The following B4GALNT2 variants were observed in gnomAD, a reference collection of about 807,000 sequenced individuals.
B4GALNT2 encodes the protein beta-1,4-N-acetyl-galactosaminyltransferase 2 (SID blood group), also known as N-acetylneuraminylgalactosylglucosyl-glucoside beta-1,4-N- acetylgalactosaminyltransferase 2.
Under a neutral mutation model 51.1 loss-of-function variants are expected in B4GALNT2, and 42 were observed. That is an observed-to-expected ratio of 0.82 (90% CI 0.64 to 1.06). B4GALNT2 has a LOEUF of 1.06. B4GALNT2 is among the 50% of genes least tolerant of loss of function. B4GALNT2 has a pLI of 0.00. For synonymous variants in B4GALNT2, 253 were observed against 251.7 expected (o/e 1.01, Z -0.05); for missense variants, 602 against 633.6 (o/e 0.95, Z 0.54).
chr17:49,139,445 C>G lies in B4GALNT2; in HGVS notation c.15-1802C>G, dbSNP rs536382113. On this transcript the variant is annotated intron_variant, in intron 1 of 10. Transcript: ENST00000393354. The stretch of plus-strand genomic sequence containing the variant: ...GAGACATTCACCATGTTGCTGGTCT[C>G]AAACTCCTGAGCTCAAGCGATCCGC... Among the ~76,000 whole-genome samples, 5 of 152,146 alleles carry G rather than the reference C, an allele frequency of 3.3e-5. No individual in the cohort carries two copies. The South Asian group carries it at 1.0e-3, about 32-fold the overall frequency.
chr17:49,147,438 A>G (rs1180022382), intron 3 of B4GALNT2, among the ~76,000 whole-genome samples: 1 of 147,492 alleles, frequency 6.8e-6, no homozygotes, highest in Non-Finnish European at 1.5e-5. Flanking sequence ...GCAGTGGTGC[A>G]ATCTCTACCC....
intron 1 of B4GALNT2, among the ~76,000 whole-genome samples, chr17:49,140,354 C>A (rs1471337787): frequency 2.0e-5 from 3 of 152,114 alleles, no homozygotes; most frequent in South Asian, 2.1e-4. Flanking sequence ...CCCGCCTTGG[C>A]CTCCCGAAGT....
chr17:49,132,871 C>A, intron 1 of B4GALNT2, 65 bp downstream of exon 1: 1 of 1,369,442 alleles, frequency 7.3e-7, no homozygotes, highest in Non-Finnish European at 9.4e-7. Context: ...CGCCGCGGGT[C>A]CTTTCTGGCG....
Position 49,170,984 on chromosome 17 carries a change from G to T in B4GALNT2, c.*1256G>T, listed in dbSNP as rs182483130. On this transcript the variant is annotated 3_prime_UTR_variant, in exon 11 of 11. Transcript: ENST00000393354. ...TTTGTGGCTTAGGAATGCTTTAAGC[G>T]GTTTTCCACCCTGGGTGGGCCAGGT... The T allele has an allele frequency of 6.5e-4, 100 of 154,804 alleles. No homozygotes were observed. Among genetic ancestry groups the T allele is most frequent in the Non-Finnish European group, 1.1e-3 (77 of 69,734 alleles). 9.6% of individuals were successfully genotyped at this position (154,804 alleles called of 1,614,324 possible).
At position 49,160,571 on chromosome 17, in the gene B4GALNT2, G is replaced by C. The variant is rs1244949054; in HGVS notation, c.696G>C (p.Arg232Ser). ...QKVDIVSLES[R>S]SSVAKFPVTI... ...TCCCTCCAGTGAGTCTGGAGTCCAG[G>C]TCCTCAGTGGCCAAGTTTCCAGTGA... is the stretch of plus-strand genomic sequence containing the variant. The change falls in exon 7 of 11, where the codon AGG becomes AGC. Residue 232 changes from arginine (R) to serine (S), a missense_variant. Coordinates refer to ENST00000393354, the MANE Select transcript of B4GALNT2 (RefSeq NM_001159387.2). 3 of 1,614,024 alleles carry C rather than the reference G, an allele frequency of 1.9e-6. No individual in the cohort carries two copies. The highest frequency in any genetic ancestry group is 2.5e-6 in the Non-Finnish European group (3 of 1,179,932).
chr17:49,124,150 T>C, the B4GALNT2 span, among the ~76,000 whole-genome samples: 2 of 152,146 alleles, frequency 1.3e-5, no homozygotes, highest in East Asian at 3.8e-4. Flanking sequence ...AACAAAGGAT[T>C]AGCAATATTT....
At chr17:49,126,926 G>T in the B4GALNT2 span, among the ~76,000 whole-genome samples, 1 of 152,094 alleles carries the variant, frequency 6.6e-6, no homozygotes, top group Non-Finnish European at 1.5e-5. Context: ...CTGGTCTCGA[G>T]CTCCTGACCT....
In B4GALNT2 at chr17:49,173,849, C is replaced by G. The variant is rs2042972339; in HGVS notation, c.*4121C>G. The G allele has an allele frequency of 7.4e-6, 1 of 135,102 alleles. No individual in the cohort carries two copies. The highest frequency in any genetic ancestry group is 7.8e-5 in the Admixed American group (1 of 12,864). The allele number at this position is 135,102 out of a possible 1,614,324, so 8.4% of individuals were successfully genotyped here. On this transcript the variant is annotated 3_prime_UTR_variant, in exon 11 of 11. Transcript: ENST00000393354. ...AGCAAATCTAGAGTCTTTTCTGGAT[C>G]TATTATATTTATTTGAGCTTTATGG...
chr17:49,169,896 T>C lies in B4GALNT2; in HGVS notation c.*168T>C, dbSNP rs139254900. ...GTACCAATCAAAGGTGAAGGGTCAC[T>C]GGAAATGAACCAGTCACTGACCAGG... is the stretch of plus-strand genomic sequence containing the variant. On this transcript the variant is annotated 3_prime_UTR_variant, in exon 11 of 11. Transcript: ENST00000393354. The C allele has an allele frequency of 5.8e-4, 358 of 619,562 alleles. No homozygotes were observed. The highest frequency in any genetic ancestry group is 8.7e-4 in the Non-Finnish European group (330 of 378,522). The allele number at this position is 619,562 out of a possible 1,614,324, so 38.4% of individuals were successfully genotyped here. A position where few individuals can be genotyped will look rare whatever the true frequency, so the allele number is the denominator to read the frequency against.
intron 10 of B4GALNT2, 39 bp from the exon 11 acceptor site, chr17:49,169,484 C>T (rs371515904): frequency 1.0e-4 from 161 of 1,585,968 alleles, no homozygotes; most frequent in Non-Finnish European, 1.2e-4. Context: ...CTTTTCTGAC[C>T]GCAGCTCCCA....
intron 3 of B4GALNT2, chr17:49,148,603 C>T (rs1019840250): frequency 4.1e-6 from 2 of 488,226 alleles, no homozygotes; most frequent in Admixed American, 4.7e-5. Context: ...GTAAGGTACG[C>T]GTAGAAATGT....
At chr17:49,156,253 G>A (rs1265778820) in intron 4 of B4GALNT2, among the ~76,000 whole-genome samples, 3 of 152,078 alleles carry the variant, frequency 2.0e-5, no homozygotes, top group African/African-American at 4.8e-5. Context: ...TATACAAGAT[G>A]ATTCATTATT....
chr17:49,146,724 A>C (rs551911611), intron 3 of B4GALNT2, among the ~76,000 whole-genome samples: 46 of 152,338 alleles, frequency 3.0e-4, no homozygotes, highest in African/African-American at 1.1e-3. Flanking sequence ...TAAGGTGGGA[A>C]TGTAGTTTTC....
intron 1 of B4GALNT2, among the ~76,000 whole-genome samples, chr17:49,134,736 C>G (rs1296596416): frequency 6.6e-6 from 1 of 152,108 alleles, no homozygotes; most frequent in Admixed American, 6.5e-5. Context: ...TACAGGCGCA[C>G]GCCACCACGC....
the B4GALNT2 span, among the ~76,000 whole-genome samples, chr17:49,127,051 G>A: frequency 6.6e-6 from 1 of 152,098 alleles, no homozygotes; most frequent in African/African-American, 2.4e-5. Flanking sequence ...AATTTTTTAT[G>A]ACTTACACAG....
chr17:49,156,570 C>A lies in B4GALNT2; in HGVS notation c.465C>A (p.Leu155=). 2 of 1,613,830 alleles carry A rather than the reference C, an allele frequency of 1.2e-6. No individual in the cohort carries two copies. The highest frequency in any genetic ancestry group is 1.7e-6 in the Non-Finnish European group (2 of 1,179,916). Residue 155 remains leucine, a synonymous_variant, in exon 5 of 11, where the codon CTC becomes CTA. Transcript: ENST00000393354. ...CCTTTTCCCTGTGTCCTCCAGGCCTCCAGTTTGAAGGACCCGATGCCCCCG... is the reference window on the plus strand; with the variant it reads ...CCTTTTCCCTGTGTCCTCCAGGCCTACAGTTTGAAGGACCCGATGCCCCCG... ...MPLHTVPIPG[L]QFEGPDAPVY...
chr17:49,147,709 A>G (rs754485044), intron 3 of B4GALNT2, among the ~76,000 whole-genome samples: 18 of 151,786 alleles, frequency 1.2e-4, no homozygotes, highest in Non-Finnish European at 2.5e-4. Context: ...TCCCCTGACC[A>G]CTACCACTGC....
chr17:49,173,787 A>G lies in B4GALNT2; in HGVS notation c.*4059A>G, dbSNP rs1290696103. ...GCTCTACAAGATCTTGCTCTTGAAC[A>G]ATAACACCAGTAGGTGAATGCCGAG... On this transcript the variant is annotated 3_prime_UTR_variant, in exon 11 of 11. Transcript: ENST00000393354. The G allele has an allele frequency of 1.3e-5, 2 of 152,234 alleles. No individual in the cohort carries two copies. Among genetic ancestry groups the G allele is most frequent in the African/African-American group, 4.8e-5 (2 of 41,468 alleles). 9.4% of individuals were successfully genotyped at this position (152,234 alleles called of 1,614,324 possible). A position where few individuals can be genotyped will look rare whatever the true frequency, so the allele number is the denominator to read the frequency against.
rs944851390 is a variant in B4GALNT2, at chr17:49,166,249, G to A, written c.1090G>A (p.Asp364Asn). ...GGATGTCCTGGAGAAAACAGAACTG[G>A]ACGTGGTAAGGGACAGTTGCCAGTT... ...LVDVLEKTEL[D>N]VVGGSVLGNV... is the part of the protein sequence containing the mutation. Residue 364 changes from aspartate to asparagine, a missense_variant, in exon 9 of 11, where the codon GAC becomes AAC. By Grantham distance (23) the Asp-to-Asn change is conservative. Transcript: ENST00000393354. The A allele has an allele frequency of 6.2e-7, 1 of 1,613,384 alleles. No homozygotes were observed. Among genetic ancestry groups the A allele is most frequent in the Non-Finnish European group, 8.5e-7 (1 of 1,179,904 alleles).
Sources: gnomAD v4.1 joint callset for allele counts (sites outside exome capture counted in the v4.1 genomes callset) on GRCh38, gnomAD v4.1.1 for gene constraint, MANE v1.5 for transcripts, NCBI Gene and HGNC (gene_info 2026-07-23, HGNC 2026-07-21) for gene names.